Variants in PTPN4 observed in about 807,000 individuals in gnomAD.
PTPN4 encodes the protein protein tyrosine phosphatase non-receptor type 4, also known as tyrosine-protein phosphatase non-receptor type 4.
Under a neutral mutation model 135.5 loss-of-function variants are expected in PTPN4, and 49 were observed. That is an observed-to-expected ratio of 0.36 (90% CI 0.29 to 0.46). PTPN4 has a LOEUF of 0.46. Among genes scored for constraint, PTPN4 ranks in the 20% least tolerant of loss-of-function variants. The probability of loss-of-function intolerance (pLI) is 1.00; values close to 1 mark genes in which losing one functional copy is unlikely to be tolerated. For missense variants in PTPN4, 860 were observed against 1,101.0 expected, an observed-to-expected ratio of 0.78 and a Z score of 3.10; for synonymous variants, 333 against 369.9, an observed-to-expected ratio of 0.90 and a Z score of 1.14.
At chr2:119,833,708 C>T (rs1026927538) in intron 2 of PTPN4, among the ~76,000 whole-genome samples, 3 of 151,984 alleles carry the variant, frequency 2.0e-5, no homozygotes, top group African/African-American at 7.2e-5. Flanking sequence ...CAGTGTTTCA[C>T]CTTTGGGGTT....
chr2:119,878,937 C>T (rs570316127), intron 5 of PTPN4, among the ~76,000 whole-genome samples: 20 of 151,340 alleles, frequency 1.3e-4, no homozygotes, highest in Admixed American at 1.2e-3. Context: ...ACTAAAAATA[C>T]AAAAAATTAG....
chr2:119,858,058 C>G (rs1024992270), intron 2 of PTPN4, among the ~76,000 whole-genome samples: 1 of 152,192 alleles, frequency 6.6e-6, no homozygotes, highest in Non-Finnish European at 1.5e-5. Context: ...CTGCTCTTGC[C>G]GTGTGATGTG....
chr2:119,952,981 TAA>T (rs1679231088), intron 19 of PTPN4, among the ~76,000 whole-genome samples: 1 of 152,216 alleles, frequency 6.6e-6, no homozygotes, highest in South Asian at 2.1e-4. Context: ...CTATGCATTA[TAA>T]GTTTAACCCC....
At chr2:119,942,053 T>G (rs1449829646) in intron 15 of PTPN4, among the ~76,000 whole-genome samples, 1 of 152,224 alleles carries the variant, frequency 6.6e-6, no homozygotes, top group Non-Finnish European at 1.5e-5. Flanking sequence ...ATTGTTTAAC[T>G]CAATTATTTT....
chr2:119,895,587 C>T (rs919335008), intron 9 of PTPN4, among the ~76,000 whole-genome samples: 2 of 151,806 alleles, frequency 1.3e-5, no homozygotes, highest in African/African-American at 2.4e-5. Context: ...TGCAGTGAGT[C>T]GAGATCGCGC....
At chr2:119,947,030 A>G (rs1306768004) in intron 18 of PTPN4, among the ~76,000 whole-genome samples, 1 of 152,166 alleles carries the variant, frequency 6.6e-6, no homozygotes, top group African/African-American at 2.4e-5. Flanking sequence ...AAAAGTAGAG[A>G]AAACTTATAT....
Position 119,934,867 on chromosome 2 carries a change from C to A in PTPN4, c.1264C>A (p.His422Asn), listed in dbSNP as rs1678958733. 6.2e-7 allele frequency: 1 copy of A among 1,613,460 alleles called. No homozygotes were observed. Among genetic ancestry groups the A allele is most frequent in the Non-Finnish European group, 8.5e-7 (1 of 1,179,550 alleles). ...RPSSVGHLVD[H>N]MVHTSPSEVF... The stretch of plus-strand genomic sequence containing the variant: ...ATCTTCAGTTGGTCATTTGGTAGAC[C>A]ATATGGTTCATACTTCCCCAAGCGA... Residue 422 changes from histidine to asparagine, a missense_variant, in exon 15 of 27, where the codon CAT becomes AAT. Physicochemically the swap from His to Asn is moderately conservative, Grantham distance 68. This residue lies in a region of PTPN4 where 684 missense variants were observed against 807.0 expected (regional missense o/e 0.85). Coordinates refer to ENST00000263708, the MANE Select transcript of PTPN4 (RefSeq NM_002830.4).
chr2:119,763,286 A>G (rs1234054755), intron 1 of PTPN4, among the ~76,000 whole-genome samples: 5 of 152,202 alleles, frequency 3.3e-5, no homozygotes, highest in Non-Finnish European at 5.9e-5. Flanking sequence ...TGAAAATTAC[A>G]TCGTATAGAC....
intron 3 of PTPN4, among the ~76,000 whole-genome samples, chr2:119,865,739 T>C (rs1677824982): frequency 6.6e-6 from 1 of 152,110 alleles, no homozygotes; most frequent in South Asian, 2.1e-4. Context: ...ATGTTACATA[T>C]ACATATGCAC....
At chr2:119,876,369 A>G (rs1429232408) in intron 3 of PTPN4, among the ~76,000 whole-genome samples, 1 of 152,202 alleles carries the variant, frequency 6.6e-6, no homozygotes, top group East Asian at 1.9e-4. Flanking sequence ...TGATAAATTG[A>G]TAAATTCTAG....
intron 13 of PTPN4, among the ~76,000 whole-genome samples, chr2:119,927,310 C>CGTAGAG (rs1678840200): frequency 4.0e-5 from 6 of 151,724 alleles, no homozygotes; most frequent in Non-Finnish European, 1.5e-5. Context: ...TGGGGTTTAC[C>CGTAGAG]ATGTCAGCCA....
chr2:119,909,966 G>A (rs1280981741), intron 10 of PTPN4, among the ~76,000 whole-genome samples: 1 of 152,104 alleles, frequency 6.6e-6, no homozygotes, highest in Non-Finnish European at 1.5e-5. Context: ...TCTTATGGAT[G>A]AGCAAAGAAA....
At chr2:119,826,776 A>C (rs578213553) in intron 2 of PTPN4, among the ~76,000 whole-genome samples, 2 of 152,348 alleles carry the variant, frequency 1.3e-5, no homozygotes, top group East Asian at 3.9e-4. Context: ...TTGTAATCCC[A>C]GTGCTTTGGG....
At chr2:119,906,296 G>C (rs72838979) in intron 10 of PTPN4, among the ~76,000 whole-genome samples, 3,657 of 152,128 alleles carry the variant, frequency 0.024, 65 homozygotes, top group Non-Finnish European at 0.033. Context: ...TTGTGCTCAG[G>C]AGTTCATCCT....
intron 1 of PTPN4, among the ~76,000 whole-genome samples, chr2:119,808,659 A>ACAG (rs1201143636): frequency 6.6e-6 from 1 of 152,120 alleles, no homozygotes; most frequent in Non-Finnish European, 1.5e-5. Flanking sequence ...CTTGTCCTGA[A>ACAG]GCAATCCTCC....
At chr2:119,924,804 A>G (rs182766660) in intron 12 of PTPN4, among the ~76,000 whole-genome samples, 11 of 152,120 alleles carry the variant, frequency 7.2e-5, no homozygotes, top group Non-Finnish European at 1.3e-4. Flanking sequence ...TTCACTGGAA[A>G]ATTAAGGTAT....
chr2:119,854,447 T>TC (rs764302306), intron 2 of PTPN4, among the ~76,000 whole-genome samples: 3 of 152,072 alleles, frequency 2.0e-5, no homozygotes, highest in Non-Finnish European at 4.4e-5. Context: ...CCCGTAATAT[T>TC]CCCCCCTGAG....
chr2:119,962,592 ATTAT>A lies in PTPN4; in HGVS notation c.2281-15_2281-12del, dbSNP rs774729474. On this transcript the variant is annotated intron_variant, in intron 23 of 26. Transcript: ENST00000263708. ...AATCCATATGTATATAATTTTATTT[ATTAT>A]TTATTTATATCAATATCAGGTTAAA... The A allele has an allele frequency of 7.3e-6, 9 of 1,234,112 alleles. No individual in the cohort carries two copies. The South Asian group carries it at 1.6e-4, about 22-fold the overall frequency. 76.4% of individuals were successfully genotyped at this position (1,234,112 alleles called of 1,614,324 possible).
chr2:119,814,051 A>C (rs1024514628), intron 2 of PTPN4, among the ~76,000 whole-genome samples: 1 of 152,196 alleles, frequency 6.6e-6, no homozygotes, highest in Non-Finnish European at 1.5e-5. Flanking sequence ...ACACACACAC[A>C]TCTATCTTTT....
Sources: gnomAD v4.1 joint callset for allele counts (sites outside exome capture counted in the v4.1 genomes callset) on GRCh38, gnomAD v4.1.1 for gene constraint, gnomAD v4.1.1 regional missense constraint, MANE v1.5 for transcripts, NCBI Gene and HGNC (gene_info 2026-07-23, HGNC 2026-07-21) for gene names.